Variants in PTPRR observed in about 807,000 individuals in gnomAD.
PTPRR encodes protein tyrosine phosphatase receptor type R.
PTPRR carries 38 observed loss-of-function variants against 77.2 expected under a neutral mutation model. The ratio of observed to expected loss-of-function variants is 0.49; its 90% CI spans 0.38 to 0.65. PTPRR has a LOEUF of 0.65. Among genes scored for constraint, PTPRR ranks in the 30% least tolerant of loss-of-function variants. The pLI is 0.00. For synonymous variants in PTPRR, 299 were observed against 283.1 expected, an observed-to-expected ratio of 1.06 and a Z score of -0.57; for missense variants, 744 against 799.2, an observed-to-expected ratio of 0.93 and a Z score of 0.83.
At chr12:70,704,351 G>A (rs1888540449) in intron 6 of PTPRR, among the ~76,000 whole-genome samples, 1 of 152,018 alleles carries the variant, frequency 6.6e-6, no homozygotes, top group East Asian at 1.9e-4. Flanking sequence ...CCAGGAGTTC[G>A]AGGCTGCAGT....
At chr12:70,905,089 G>T (rs1213031668) in intron 1 of PTPRR, among the ~76,000 whole-genome samples, 1 of 151,002 alleles carries the variant, frequency 6.6e-6, no homozygotes, top group Non-Finnish European at 1.5e-5. Flanking sequence ...GAAGATAGGA[G>T]GAGAGAGGAC....
At chr12:70,659,202 C>A (rs879372368) in intron 12 of PTPRR, among the ~76,000 whole-genome samples, 1 of 152,010 alleles carries the variant, frequency 6.6e-6, no homozygotes, top group African/African-American at 2.4e-5. Flanking sequence ...CGCACCTGGC[C>A]CATTGACAAG....
chr12:70,662,364 T>C (rs941498471), intron 11 of PTPRR, 131 bp downstream of exon 11: 6 of 530,136 alleles, frequency 1.1e-5, no homozygotes, highest in African/African-American at 1.9e-5. Flanking sequence ...GGAATGATTA[T>C]AGTTTCTCTT....
At chr12:70,861,848 C>T (rs1892758561) in intron 2 of PTPRR, among the ~76,000 whole-genome samples, 1 of 152,150 alleles carries the variant, frequency 6.6e-6, no homozygotes, top group Non-Finnish European at 1.5e-5. Context: ...TTGGCTACTA[C>T]CTTCCTAATC....
chr12:70,734,046 G>A (rs1889779356), intron 6 of PTPRR, among the ~76,000 whole-genome samples: 1 of 152,190 alleles, frequency 6.6e-6, no homozygotes, highest in Non-Finnish European at 1.5e-5. Flanking sequence ...TCCTGACACA[G>A]TATCTAAGAT....
chr12:70,761,491 T>A lies in PTPRR; in HGVS notation c.607A>T (p.Ile203Phe). Residue 203 changes from isoleucine (I) to phenylalanine (F), a missense_variant, in exon 4 of 14, where the codon ATT becomes TTT. By Grantham distance (21) the Ile-to-Phe change is conservative. Transcript: ENST00000283228. ...CATACCTCAGGAGAGACTTCTGTAA[T>A]TCCAAACTGGGATAAACTTTGATGC... is the stretch of plus-strand genomic sequence containing the variant. ...VLHQSLSQFGITEVSPEKNVL... is the reference protein window; with the variant it reads ...VLHQSLSQFGFTEVSPEKNVL... 6.2e-7 allele frequency: 1 copy of A among 1,607,886 alleles called. No homozygotes were observed. Among genetic ancestry groups the A allele is most frequent in the Middle Eastern group, 1.7e-4 (1 of 6,038 alleles).
intron 2 of PTPRR, among the ~76,000 whole-genome samples, chr12:70,887,785 A>G (rs1893266398): frequency 6.6e-6 from 1 of 152,022 alleles, no homozygotes; most frequent in South Asian, 2.1e-4. Context: ...ACTCAGAGAC[A>G]CAGGGATAGG....
At chr12:70,786,993 G>A (rs1213852735) in intron 2 of PTPRR, among the ~76,000 whole-genome samples, 2 of 152,242 alleles carry the variant, frequency 1.3e-5, no homozygotes, top group Non-Finnish European at 2.9e-5. Flanking sequence ...GAAGGATATG[G>A]AAAAATAACA....
At chr12:70,660,116 G>T (rs1409839472) in intron 12 of PTPRR, among the ~76,000 whole-genome samples, 1 of 151,776 alleles carries the variant, frequency 6.6e-6, no homozygotes, top group South Asian at 2.1e-4. Flanking sequence ...GGCGGAGGTT[G>T]CAGTGAGCCG....
In PTPRR at chr12:70,841,504, A is replaced by T. The variant is rs531564180; in HGVS notation, c.357+51175T>A. On this transcript the variant is annotated intron_variant, in intron 2 of 13. Coordinates refer to ENST00000283228, the MANE Select transcript of PTPRR (RefSeq NM_002849.4). Reference sequence around the variant, plus strand: ...TCTAGAACTTAAGTCTCACAACCTGACTCCCTCTGAGTTCCAGAGTCCATA... The same window carrying T: ...TCTAGAACTTAAGTCTCACAACCTGTCTCCCTCTGAGTTCCAGAGTCCATA... Among the ~76,000 whole-genome samples, 32 of 151,752 alleles carry T rather than the reference A, an allele frequency of 2.1e-4. 1 individual carries two copies. Among genetic ancestry groups the T allele is most frequent in the Admixed American group, 7.9e-4 (12 of 15,210 alleles).
At chr12:70,660,107 G>A (rs1566049639) in intron 12 of PTPRR, among the ~76,000 whole-genome samples, 1 of 151,712 alleles carries the variant, frequency 6.6e-6, no homozygotes, top group Non-Finnish European at 1.5e-5. Context: ...AGCCAAGGAG[G>A]CGGAGGTTGC....
intron 2 of PTPRR, among the ~76,000 whole-genome samples, chr12:70,863,716 C>A (rs1024806563): frequency 6.7e-6 from 1 of 149,772 alleles, no homozygotes; most frequent in Admixed American, 6.6e-5. Flanking sequence ...TGAAATATTT[C>A]TTGGGTATTT....
chr12:70,734,753 G>A (rs570241631), intron 6 of PTPRR, among the ~76,000 whole-genome samples: 1 of 152,262 alleles, frequency 6.6e-6, no homozygotes, highest in South Asian at 2.1e-4. Flanking sequence ...GACTACAATG[G>A]CTTAAACATT....
intron 2 of PTPRR, among the ~76,000 whole-genome samples, chr12:70,781,174 C>T (rs116913995): frequency 1.3e-5 from 2 of 152,228 alleles, no homozygotes; most frequent in East Asian, 3.9e-4. Context: ...TGTCTTGGTC[C>T]ACTAAAACAC....
At chr12:70,885,132 A>T (rs1351163696) in intron 2 of PTPRR, among the ~76,000 whole-genome samples, 1 of 152,114 alleles carries the variant, frequency 6.6e-6, no homozygotes, top group East Asian at 1.9e-4. Flanking sequence ...TATATGAAGA[A>T]TTTATAAAGA....
At chr12:70,857,355 C>T (rs940004189) in intron 2 of PTPRR, among the ~76,000 whole-genome samples, 1 of 152,082 alleles carries the variant, frequency 6.6e-6, no homozygotes, top group Non-Finnish European at 1.5e-5. Context: ...GAACATTTAA[C>T]TGTCAATTAG....
chr12:70,672,441 C>A, intron 10 of PTPRR: 1 of 1,092,068 alleles, frequency 9.2e-7, no homozygotes, highest in Non-Finnish European at 1.4e-6. Flanking sequence ...ACATCAAGGC[C>A]ACAGATGCCA....
At chr12:70,865,197 T>C (rs967967564) in intron 2 of PTPRR, among the ~76,000 whole-genome samples, 2 of 152,172 alleles carry the variant, frequency 1.3e-5, no homozygotes, top group African/African-American at 4.8e-5. Flanking sequence ...ACGTGCCTTT[T>C]GCCTTCTGAG....
At chr12:70,697,751 T>A (rs1888278831) in intron 8 of PTPRR, among the ~76,000 whole-genome samples, 1 of 152,054 alleles carries the variant, frequency 6.6e-6, no homozygotes, top group Non-Finnish European at 1.5e-5. Flanking sequence ...TTTTTTTGCA[T>A]GTGGATATCT....
Sources: allele counts gnomAD v4.1 joint callset (sites outside exome capture counted in the v4.1 genomes callset), GRCh38; gene constraint gnomAD v4.1.1; transcripts MANE v1.5; gene names NCBI Gene and HGNC (gene_info 2026-07-23, HGNC 2026-07-21).